Variants in KRTAP10-4 observed in about 807,000 individuals in gnomAD.
KRTAP10-4 encodes the protein keratin associated protein 10-4.
For missense variants in KRTAP10-4, 374 were observed against 507.6 expected (o/e 0.74, Z 2.53); for synonymous variants, 147 against 213.7 (o/e 0.69, Z 2.72).
rs782626029 is a variant in KRTAP10-4 at position 44,574,307 on chromosome 21, C to T, written c.549C>T (p.Ser183=). ...AGTCTAGCTGTGTGAGCTGTGTGTC[C>T]AGCCCCTGCTGCCAGGCGGTCTGTG... ...CQQSSCVSCV[S]SPCCQAVCEP... Residue 183 remains serine, a synonymous_variant, in exon 1 of 1, where the codon TCC becomes TCT. Transcript: ENST00000400374. 4.3e-6 allele frequency: 7 copies of T among 1,611,890 alleles called. No homozygotes were observed. Among genetic ancestry groups the T allele is most frequent in the South Asian group, 1.1e-5 (1 of 90,982 alleles).
chr21:44,575,084 C>T lies in KRTAP10-4; in HGVS notation c.*120C>T, dbSNP rs879962741. 5 of 1,421,660 alleles carry T rather than the reference C, an allele frequency of 3.5e-6. No individual in the cohort carries two copies. Among genetic ancestry groups the T allele is most frequent in the Middle Eastern group, 2.4e-4 (1 of 4,200 alleles). The allele number at this position is 1,421,660 out of a possible 1,614,324, so 88.1% of individuals were successfully genotyped here. A position where few individuals can be genotyped will look rare whatever the true frequency, so the allele number is the denominator to read the frequency against. On this transcript the variant is annotated 3_prime_UTR_variant, in exon 1 of 1. Transcript: ENST00000400374. The stretch of plus-strand genomic sequence containing the variant: ...GGTCCCACCTGAAAGCTGATAGTCG[C>T]GTCCTGAATTGCTCCTGCACTTTGA...
chr21:44,574,582 G>C lies in KRTAP10-4; in HGVS notation c.824G>C (p.Cys275Ser). ...CAGCAGGCTTGCTGTGTGCCTGTCT[G>C]CTGCAAGCCTGTGTGCTGCAAGCCT... ...PCQQACCVPV[C>S]CKPVCCKPVC... Residue 275 changes from cysteine to serine, a missense_variant, in exon 1 of 1, where the codon TGC becomes TCC. Transcript: ENST00000400374. 7.7e-7 allele frequency: 1 copy of C among 1,304,022 alleles called. No homozygotes were observed. Among genetic ancestry groups the C allele is most frequent in the Non-Finnish European group, 1.0e-6 (1 of 977,578 alleles). 80.8% of individuals were successfully genotyped at this position (1,304,022 alleles called of 1,614,324 possible). A position where few individuals can be genotyped will look rare whatever the true frequency, so the allele number is the denominator to read the frequency against.
the KRTAP10-4 span, chr21:44,574,835 CTCCGTGTCCCTCCTCT>C: frequency 6.2e-7 from 1 of 1,614,044 alleles, no homozygotes; most frequent in Non-Finnish European, 8.5e-7. Context: ...GACCCTCCTC[CTCCGTGTCCCTCCTCT>C]GCCGCCCCGT....
chr21:44,574,377 T>C lies in KRTAP10-4; in HGVS notation c.619T>C (p.Ser207Pro). The C allele has an allele frequency of 1.9e-6, 3 of 1,612,184 alleles. No homozygotes were observed. Among genetic ancestry groups the C allele is most frequent in the Non-Finnish European group, 2.5e-6 (3 of 1,179,408 alleles). ...AGGCTGCATCAGCTCCTGCACGCCC[T>C]CGTGCTGCCAGCAGTCTAGCTGCCA... Reference protein sequence around the residue: ...QSGCISSCTPSCCQQSSCQPA... With the variant: ...QSGCISSCTPPCCQQSSCQPA... The change falls in exon 1 of 1, where the codon TCG becomes CCG. Residue 207 changes from serine to proline, a missense_variant. Coordinates refer to ENST00000400374, the MANE Select transcript of KRTAP10-4 (RefSeq NM_198687.2).
In KRTAP10-4 at chr21:44,574,949, C is replaced by T. The variant is rs782664266; in HGVS notation, c.1191C>T (p.Cys397=). 17 of 1,606,834 alleles carry T rather than the reference C, an allele frequency of 1.1e-5. No individual in the cohort carries two copies. Among genetic ancestry groups the T allele is most frequent in the African/African-American group, 5.4e-5 (4 of 73,568 alleles). The change falls in exon 1 of 1, where the codon TGC becomes TGT. Residue 397 remains cysteine, a synonymous_variant. Coordinates refer to ENST00000400374, the MANE Select transcript of KRTAP10-4 (RefSeq NM_198687.2). ...CQPSCCRPAS[C]VSLL is the part of the protein sequence containing the mutation. ...CCAGCTGCTGCCGCCCAGCCTCCTG[C>T]GTGTCCCTCCTCTGACGCCCCGTGT...
rs782001510 is a variant in KRTAP10-4 at position 44,574,908 on chromosome 21, A to G, written c.1150A>G (p.Thr384Ala). The G allele has an allele frequency of 3.1e-6, 5 of 1,605,040 alleles. No individual in the cohort carries two copies. Among genetic ancestry groups the G allele is most frequent in the Non-Finnish European group, 4.2e-6 (5 of 1,177,218 alleles). The stretch of plus-strand genomic sequence containing the variant: ...GCCCGTCCCTTCCTGCTGTGCTCCC[A>G]CCTCCTCCTGCCAACCCAGCTGCTG... ...CVPVPSCCAP[T>A]SSCQPSCCRP... The change falls in exon 1 of 1, where the codon ACC (threonine) becomes GCC (alanine). Residue 384 changes from threonine to alanine, a missense_variant. Transcript: ENST00000400374.
chr21:44,575,137 G>A lies in KRTAP10-4; in HGVS notation c.*173G>A, dbSNP rs1447637064. 2 of 995,526 alleles carry A rather than the reference G, an allele frequency of 2.0e-6. No homozygotes were observed. Among genetic ancestry groups the A allele is most frequent in the African/African-American group, 3.3e-5 (2 of 60,980 alleles). The allele number at this position is 995,526 out of a possible 1,614,324, so 61.7% of individuals were successfully genotyped here. A position where few individuals can be genotyped will look rare whatever the true frequency, so the allele number is the denominator to read the frequency against. Reference sequence around the variant, plus strand: ...ATTTCCTGGTGTCTGCTGTTGAGCTGGACAATGGAAGAACTGAAAGTCTAT... The same window carrying A: ...ATTTCCTGGTGTCTGCTGTTGAGCTAGACAATGGAAGAACTGAAAGTCTAT... On this transcript the variant is annotated 3_prime_UTR_variant, in exon 1 of 1. Transcript: ENST00000400374.
In KRTAP10-4 at chr21:44,575,185, C is replaced by CG. The variant is rs1437912889; in HGVS notation, c.*227dup. ...TATACTCAATGCTGCAGCCCTCTTGCGGGGGGAGGGGGGCGCTTCTAGAAA... is the reference window on the plus strand; with the variant it reads ...TATACTCAATGCTGCAGCCCTCTTGCGGGGGGGAGGGGGGCGCTTCTAGAAA... On this transcript the variant is annotated 3_prime_UTR_variant, in exon 1 of 1. Coordinates refer to ENST00000400374, the MANE Select transcript of KRTAP10-4 (RefSeq NM_198687.2). The CG allele has an allele frequency of 6.5e-6, 5 of 768,148 alleles. No individual in the cohort carries two copies. The highest frequency in any genetic ancestry group is 3.5e-5 in the African/African-American group (2 of 56,928). 47.6% of individuals were successfully genotyped at this position (768,148 alleles called of 1,614,324 possible). A position where few individuals can be genotyped will look rare whatever the true frequency, so the allele number is the denominator to read the frequency against.
chr21:44,574,956 C>G lies in KRTAP10-4; in HGVS notation c.1198C>G (p.Leu400Val), dbSNP rs370643972. 1.9e-6 allele frequency: 3 copies of G among 1,606,892 alleles called. No individual in the cohort carries two copies. The highest frequency in any genetic ancestry group is 1.7e-6 in the Non-Finnish European group (2 of 1,176,910). ...CTGCCGCCCAGCCTCCTGCGTGTCC[C>G]TCCTCTGACGCCCCGTGTGCTCCCG... ...SCCRPASCVS[L>V]L is the part of the protein sequence containing the mutation. The change falls in exon 1 of 1, where the codon CTC becomes GTC. Residue 400 changes from leucine to valine, a missense_variant. Physicochemically the swap from Leu to Val is conservative, Grantham distance 32 (BLOSUM62 1). Coordinates refer to ENST00000400374, the MANE Select transcript of KRTAP10-4 (RefSeq NM_198687.2).
chr21:44,573,857 A>C lies in KRTAP10-4; in HGVS notation c.99A>C (p.Pro33=). 6.2e-7 allele frequency: 1 copy of C among 1,614,068 alleles called. No homozygotes were observed. The change falls in exon 1 of 1, where the codon CCA becomes CCC. Residue 33 remains proline, a synonymous_variant. Transcript: ENST00000400374. The stretch of plus-strand genomic sequence containing the variant: ...ACTCCTGGCAGGTGGACGACTGCCC[A>C]GAGAGCTGCTGCGAGCCCCCCTGCT... ...CSDSWQVDDC[P]ESCCEPPCCA...
chr21:44,574,146 T>A lies in KRTAP10-4; in HGVS notation c.388T>A (p.Cys130Ser), dbSNP rs200894020. The stretch of plus-strand genomic sequence containing the variant: ...GCCTGTGTGCTGTGTGCCCGTCTGC[T>A]GTGGGGATTCTTCATGCTGCCAGCA... ...CKPVCCVPVC[C>S]GDSSCCQQSS... The change falls in exon 1 of 1, where the codon TGT becomes AGT. Residue 130 changes from cysteine to serine, a missense_variant. Coordinates refer to ENST00000400374, the MANE Select transcript of KRTAP10-4 (RefSeq NM_198687.2). 3.9e-4 allele frequency: 625 copies of A among 1,592,020 alleles called. No homozygotes were observed. Among genetic ancestry groups the A allele is most frequent in the African/African-American group, 2.2e-3 (159 of 70,716 alleles).
In KRTAP10-4 at chr21:44,573,903, C is replaced by T; in HGVS notation, c.145C>T (p.Pro49Ser). The change falls in exon 1 of 1, where the codon CCG (proline) becomes TCG (serine). Residue 49 changes from proline to serine, a missense_variant. Transcript: ENST00000400374. ...CTGCTGCGCCCCCAGCTGCTGCGCCCCGGCCCCCTGCCTGAGCCTGGTCTG... is the reference window on the plus strand; with the variant it reads ...CTGCTGCGCCCCCAGCTGCTGCGCCTCGGCCCCCTGCCTGAGCCTGGTCTG... Reference protein sequence around the residue: ...PPCCAPSCCAPAPCLSLVCTP... With the variant: ...PPCCAPSCCASAPCLSLVCTP... The T allele has an allele frequency of 1.2e-6, 2 of 1,613,178 alleles. No individual in the cohort carries two copies. The highest frequency in any genetic ancestry group is 1.7e-6 in the Non-Finnish European group (2 of 1,179,924).
Position 44,573,856 on chromosome 21 carries a change from C to T in KRTAP10-4, c.98C>T (p.Pro33Leu). The change falls in exon 1 of 1, where the codon CCA (proline) becomes CTA (leucine). Residue 33 changes from proline (P) to leucine (L), a missense_variant. Coordinates refer to ENST00000400374, the MANE Select transcript of KRTAP10-4 (RefSeq NM_198687.2). The stretch of plus-strand genomic sequence containing the variant: ...GACTCCTGGCAGGTGGACGACTGCC[C>T]AGAGAGCTGCTGCGAGCCCCCCTGC... Reference protein sequence around the residue: ...CSDSWQVDDCPESCCEPPCCA... With the variant: ...CSDSWQVDDCLESCCEPPCCA... 6.2e-7 allele frequency: 1 copy of T among 1,614,080 alleles called. No homozygotes were observed. Among genetic ancestry groups the T allele is most frequent in the Non-Finnish European group, 8.5e-7 (1 of 1,180,044 alleles).
In KRTAP10-4 at chr21:44,573,731, C is replaced by T. The variant is rs782487495; in HGVS notation, c.-28C>T. 22 of 1,600,878 alleles carry T rather than the reference C, an allele frequency of 1.4e-5. No individual in the cohort carries two copies. In the African/African-American group the frequency reaches 1.5e-4, roughly 11 times the overall value. On this transcript the variant is annotated 5_prime_UTR_variant, in exon 1 of 1. Transcript: ENST00000400374. ...ACCCACTCCCTCCCATCTCCCCCAG[C>T]TCAACCCCCAGCACAGCAGCATCCA...
chr21:44,574,834 C>T lies in KRTAP10-4; in HGVS notation c.1076C>T (p.Ser359Phe). 1 of 1,614,024 alleles carries T rather than the reference C, an allele frequency of 6.2e-7. No homozygotes were observed. The highest frequency in any genetic ancestry group is 8.5e-7 in the Non-Finnish European group (1 of 1,179,994). The change falls in exon 1 of 1, where the codon TCC (serine) becomes TTC (phenylalanine). Residue 359 changes from serine (S) to phenylalanine (F), a missense_variant. Physicochemically the swap from Ser to Phe is radical, Grantham distance 155. Coordinates refer to ENST00000400374, the MANE Select transcript of KRTAP10-4 (RefSeq NM_198687.2). ...CCTTSCCRPS[S>F]SVSLLCRPVC... The stretch of plus-strand genomic sequence containing the variant: ...ACCACCTCCTGCTGCAGACCCTCCT[C>T]CTCCGTGTCCCTCCTCTGCCGCCCC...
rs781843971 is a variant in KRTAP10-4, at chr21:44,574,293, G to A, written c.535G>A (p.Val179Met). 2 of 1,604,438 alleles carry A rather than the reference G, an allele frequency of 1.2e-6. No individual in the cohort carries two copies. The highest frequency in any genetic ancestry group is 2.3e-5 in the East Asian group (1 of 44,420). Residue 179 changes from valine to methionine, a missense_variant, in exon 1 of 1, where the codon GTG (valine) becomes ATG (methionine). By Grantham distance (21) the Val-to-Met change is conservative (BLOSUM62 1). Transcript: ENST00000400374. ...SSSCCQQSSC[V>M]SCVSSPCCQA... Reference sequence around the variant, plus strand: ...TTCGTGCTGCCAGCAGTCTAGCTGTGTGAGCTGTGTGTCCAGCCCCTGCTG... The same window carrying A: ...TTCGTGCTGCCAGCAGTCTAGCTGTATGAGCTGTGTGTCCAGCCCCTGCTG...
chr21:44,575,163 A>G lies in KRTAP10-4; in HGVS notation c.*199A>G. 2 of 865,760 alleles carry G rather than the reference A, an allele frequency of 2.3e-6. No homozygotes were observed. The highest frequency in any genetic ancestry group is 3.6e-5 in the South Asian group (2 of 55,204). The allele number at this position is 865,760 out of a possible 1,614,324, so 53.6% of individuals were successfully genotyped here. On this transcript the variant is annotated 3_prime_UTR_variant, in exon 1 of 1. Transcript: ENST00000400374. ...GACAATGGAAGAACTGAAAGTCTAT[A>G]CTCAATGCTGCAGCCCTCTTGCGGG...
rs587685239 is a variant in KRTAP10-4, at chr21:44,575,199, C to A, written c.*235C>A. 116 of 707,842 alleles carry A rather than the reference C, an allele frequency of 1.6e-4. 1 individual carries two copies. The African/African-American group carries it at 1.9e-3, about 12-fold the overall frequency. The allele number at this position is 707,842 out of a possible 1,614,324, so 43.8% of individuals were successfully genotyped here. A position where few individuals can be genotyped will look rare whatever the true frequency, so the allele number is the denominator to read the frequency against. On this transcript the variant is annotated 3_prime_UTR_variant, in exon 1 of 1. Transcript: ENST00000400374. Reference sequence around the variant, plus strand: ...CAGCCCTCTTGCGGGGGGAGGGGGGCGCTTCTAGAAAGTTCCCATGGCAGT... The same window carrying A: ...CAGCCCTCTTGCGGGGGGAGGGGGGAGCTTCTAGAAAGTTCCCATGGCAGT...
In KRTAP10-4 at chr21:44,574,849, T is replaced by G. The variant is rs782294193; in HGVS notation, c.1091T>G (p.Leu364Arg). The change falls in exon 1 of 1, where the codon CTC becomes CGC. Residue 364 changes from leucine (L) to arginine (R), a missense_variant. By Grantham distance (102) the Leu-to-Arg change is moderately radical. Transcript: ENST00000400374. ...AGACCCTCCTCCTCCGTGTCCCTCC[T>G]CTGCCGCCCCGTGTGCAGGCCCGCC... The part of the protein sequence containing the change: ...CCRPSSSVSL[L>R]CRPVCRPACC... The G allele has an allele frequency of 3.7e-6, 6 of 1,613,586 alleles. No homozygotes were observed. The highest frequency in any genetic ancestry group is 5.1e-6 in the Non-Finnish European group (6 of 1,179,912).
Sources: gnomAD v4.1 joint callset for allele counts on GRCh38, gnomAD v4.1.1 for gene constraint, MANE v1.5 for transcripts, NCBI Gene and HGNC (gene_info 2026-07-23, HGNC 2026-07-21) for gene names.